TENM1: variants seen among roughly 807,000 people sequenced by gnomAD.
TENM1 encodes the protein teneurin-1.
TENM1 carries 35 observed loss-of-function variants against 174.8 expected under a neutral mutation model. That is an observed-to-expected ratio of 0.20 (90% confidence interval 0.15 to 0.27). The LOEUF (loss-of-function observed/expected upper bound fraction) is 0.27, where lower values mean the gene tolerates loss of function less well. Ranked by LOEUF, TENM1 falls within the 10% of genes least tolerant of loss-of-function variation. The pLI, the probability that TENM1 is intolerant of heterozygous loss-of-function variation, is 1.00. For synonymous variants in TENM1, 781 were observed against 798.7 expected (o/e 0.98, Z 0.37); for missense variants, 1,633 against 2,130.1 (o/e 0.77, Z 4.59).
the TENM1 span, among the ~76,000 whole-genome samples, chrX:125,203,142 G>A: frequency 1.8e-5 from 2 of 113,022 alleles, no homozygotes; most frequent in Non-Finnish European, 3.7e-5. Flanking sequence ...CGACGGCGGC[G>A]TAGGTTAGGA....
chrX:124,605,664 T>C (rs1483787900), intron 11 of TENM1, among the ~76,000 whole-genome samples: 1 of 111,813 alleles, frequency 8.9e-6, no homozygotes, highest in Non-Finnish European at 1.9e-5. Flanking sequence ...TTAAACTCAA[T>C]GTTCTCATAA....
intron 3 of TENM1, among the ~76,000 whole-genome samples, chrX:124,840,414 AG>A (rs2056474266): frequency 2.7e-5 from 3 of 111,998 alleles, no homozygotes; most frequent in Non-Finnish European, 3.8e-5. Flanking sequence ...ATTTGCAATG[AG>A]ACTTAGTAAT....
chrX:124,652,671 G>A (rs1000506081), intron 7 of TENM1, among the ~76,000 whole-genome samples: 1 of 104,422 alleles, frequency 9.6e-6, no homozygotes, highest in African/African-American at 4.1e-5. Flanking sequence ...CAGTTGTATA[G>A]TCTTTAAAAT....
chrX:124,444,278 A>G (rs917501177), intron 23 of TENM1, among the ~76,000 whole-genome samples: 127 of 112,251 alleles, frequency 1.1e-3, no homozygotes, highest in Non-Finnish European at 3.6e-4. Context: ...AATTGAATAG[A>G]GACTAAGGCA....
chrX:124,634,369 G>A (rs1391512346), intron 11 of TENM1, among the ~76,000 whole-genome samples: 1 of 111,165 alleles, frequency 9.0e-6, no homozygotes, highest in Non-Finnish European at 1.9e-5. Flanking sequence ...AAACCCAGGT[G>A]TGTGTCCAAA....
At chrX:124,547,687 A>T (rs1281639082) in intron 14 of TENM1, among the ~76,000 whole-genome samples, 2 of 111,892 alleles carry the variant, frequency 1.8e-5, no homozygotes, top group African/African-American at 6.5e-5. Flanking sequence ...CCACCTACTG[A>T]CTCAGAATTT....
chrX:124,661,952 C>G, intron 6 of TENM1, among the ~76,000 whole-genome samples: 1 of 111,188 alleles, frequency 9.0e-6, no homozygotes, highest in African/African-American at 3.3e-5. Context: ...CTTACTGTGT[C>G]CTCTTTTTCA....
At chrX:124,767,617 A>C in intron 3 of TENM1, among the ~76,000 whole-genome samples, 1 of 111,545 alleles carries the variant, frequency 9.0e-6, no homozygotes, top group Middle Eastern at 4.6e-3. Flanking sequence ...ATATTAAAAT[A>C]TTAATTTAGG....
intron 5 of TENM1, among the ~76,000 whole-genome samples, chrX:124,694,134 T>C (rs767246101): frequency 3.6e-5 from 4 of 111,727 alleles, no homozygotes; most frequent in Admixed American, 9.5e-5. Flanking sequence ...CCCTCAGAGG[T>C]TGTGCCTTCC....
At chrX:124,397,955 G>A (rs1337819298) in intron 27 of TENM1, among the ~76,000 whole-genome samples, 3 of 108,709 alleles carry the variant, frequency 2.8e-5, no homozygotes, top group Non-Finnish European at 1.9e-5. Context: ...GGGGCTGGGC[G>A]CGGTGGCTCA....
intron 11 of TENM1, among the ~76,000 whole-genome samples, chrX:124,586,232 A>C (rs1392231048): frequency 9.0e-6 from 1 of 111,190 alleles, no homozygotes; most frequent in Non-Finnish European, 1.9e-5. Flanking sequence ...GACACACAAC[A>C]GAAAAAGAGA....
chrX:124,437,871 C>G (rs895328914), intron 23 of TENM1, among the ~76,000 whole-genome samples: 1 of 111,491 alleles, frequency 9.0e-6, no homozygotes, highest in African/African-American at 3.3e-5. Context: ...TTTATATGTC[C>G]CCATGTTTAC....
intron 20 of TENM1, among the ~76,000 whole-genome samples, chrX:124,492,284 T>C (rs892839699): frequency 1.3e-4 from 14 of 111,921 alleles, no homozygotes; most frequent in Middle Eastern, 4.6e-3. Context: ...TTAAATTAAC[T>C]GATCTTAAGA....
intron 11 of TENM1, among the ~76,000 whole-genome samples, chrX:124,604,764 G>A (rs757256393): frequency 1.3e-3 from 142 of 110,795 alleles, no homozygotes; most frequent in African/African-American, 4.3e-3. Context: ...ACATAGAAAT[G>A]CATGAACTTT....
chrX:124,889,641 G>A (rs1212624211), intron 3 of TENM1, among the ~76,000 whole-genome samples: 1 of 110,570 alleles, frequency 9.0e-6, no homozygotes, highest in Non-Finnish European at 1.9e-5. Flanking sequence ...TTTCTTGTGG[G>A]TACCTAGTAG....
the TENM1 span, among the ~76,000 whole-genome samples, chrX:125,118,499 T>C: frequency 2.7e-5 from 3 of 111,882 alleles, no homozygotes; most frequent in African/African-American, 9.7e-5. Context: ...GAGAAAGTGT[T>C]TGCAATACAT....
intron 1 of TENM1, among the ~76,000 whole-genome samples, chrX:124,898,764 G>T (rs1437755039): frequency 9.0e-6 from 1 of 111,675 alleles, no homozygotes; most frequent in Non-Finnish European, 1.9e-5. Flanking sequence ...ACATGGATTT[G>T]CTCCCTTCTA....
intron 3 of TENM1, among the ~76,000 whole-genome samples, chrX:124,807,878 T>TAAACACACACAC (rs1284567007): frequency 1.2e-5 from 1 of 85,171 alleles, no homozygotes; most frequent in African/African-American, 4.3e-5. Flanking sequence ...GAAAATCACT[T>TAAACACACACAC]ACACACACAC....
intron 19 of TENM1, among the ~76,000 whole-genome samples, chrX:124,497,565 C>T (rs1201835717): frequency 9.0e-6 from 1 of 111,297 alleles, no homozygotes; most frequent in African/African-American, 3.3e-5. Context: ...TTTTAATGAC[C>T]TATTCACTCT....
Sources: gnomAD v4.1 joint callset for allele counts (sites outside exome capture counted in the v4.1 genomes callset) on GRCh38, gnomAD v4.1.1 for gene constraint, MANE v1.5 for transcripts, NCBI Gene and HGNC (gene_info 2026-07-23, HGNC 2026-07-21) for gene names.